Variants in VPS41 observed in about 807,000 individuals in gnomAD.
The protein encoded by VPS41 is vacuolar protein sorting-associated protein 41 homolog.
VPS41 carries 85 observed loss-of-function variants against 130.9 expected under a neutral mutation model. The ratio of observed to expected loss-of-function variants is 0.65; its 90% CI spans 0.55 to 0.78. The LOEUF (loss-of-function observed/expected upper bound fraction) is 0.78, where lower values mean the gene tolerates loss of function less well. VPS41 is among the 30% of genes least tolerant of loss of function. VPS41 has a pLI of 0.00. For missense variants in VPS41, 874 were observed against 1,018.7 expected, an observed-to-expected ratio of 0.86 and a Z score of 1.93; for synonymous variants, 335 against 332.9, an observed-to-expected ratio of 1.01 and a Z score of -0.07.
intron 7 of VPS41, among the ~76,000 whole-genome samples, chr7:38,810,097 TTC>T (rs1183623765): frequency 6.9e-6 from 1 of 144,576 alleles, no homozygotes; most frequent in African/African-American, 2.4e-5. Flanking sequence ...GAGATGTGCT[TTC>T]TCTTTTTTTT....
intron 4 of VPS41, among the ~76,000 whole-genome samples, chr7:38,843,808 C>T (rs967847494): frequency 6.6e-6 from 1 of 152,058 alleles, no homozygotes; most frequent in Non-Finnish European, 1.5e-5. Flanking sequence ...AGTAACAATT[C>T]GTTCCAACTT....
At chr7:38,882,170 C>A (rs751104804) in intron 2 of VPS41, among the ~76,000 whole-genome samples, 1 of 152,182 alleles carries the variant, frequency 6.6e-6, no homozygotes, top group African/African-American at 2.4e-5. Context: ...TTAGAATCAC[C>A]GGTGGCCTCA....
intron 23 of VPS41, 75 bp from the exon 24 acceptor site, chr7:38,743,617 C>T (rs952414860): frequency 6.5e-7 from 1 of 1,534,448 alleles, no homozygotes; most frequent in Non-Finnish European, 8.9e-7. Context: ...TTGCATATCT[C>T]TTAATTTGTT....
chr7:38,847,023 G>A (rs114145776), intron 4 of VPS41, among the ~76,000 whole-genome samples: 129 of 152,214 alleles, frequency 8.5e-4, no homozygotes, highest in African/African-American at 2.9e-3. Flanking sequence ...AGACTTCACC[G>A]TGTCTGGCCC....
intron 2 of VPS41, among the ~76,000 whole-genome samples, chr7:38,873,662 T>G (rs989276075): frequency 6.6e-6 from 1 of 152,190 alleles, no homozygotes; most frequent in Admixed American, 6.5e-5. Flanking sequence ...AGCGAAGATA[T>G]GAACAGAGTG....
intron 18 of VPS41, among the ~76,000 whole-genome samples, chr7:38,758,040 C>G (rs1476832848): frequency 6.6e-6 from 1 of 152,114 alleles, no homozygotes; most frequent in Non-Finnish European, 1.5e-5. Flanking sequence ...GAATCCAGAG[C>G]CTTGCTCATT....
chr7:38,804,463 C>T (rs977102951), intron 7 of VPS41, among the ~76,000 whole-genome samples: 6 of 152,222 alleles, frequency 3.9e-5, no homozygotes, highest in Non-Finnish European at 7.3e-5. Flanking sequence ...ATTAGCAACA[C>T]AGACTTTGGA....
At chr7:38,879,326 T>C (rs1337954796) in intron 2 of VPS41, among the ~76,000 whole-genome samples, 4 of 152,170 alleles carry the variant, frequency 2.6e-5, no homozygotes, top group African/African-American at 9.7e-5. Context: ...GGGTGAGGAC[T>C]GGCCGGCTGC....
Position 38,774,352 on chromosome 7 carries a change from G to T in VPS41, c.883-108C>A, listed in dbSNP as rs191414978. 1.6e-3 allele frequency: 1,691 copies of T among 1,038,080 alleles called. 44 individuals are homozygous for T. Among genetic ancestry groups the T allele is most frequent in the Non-Finnish European group, 1.6e-4 (124 of 770,842 alleles). 64.3% of individuals were successfully genotyped at this position (1,038,080 alleles called of 1,614,324 possible). Reference sequence around the variant, plus strand: ...TAGTTTCTTCTCACACTCCTATGAAGAAATACCCAAGACTGGGTAATTTAT... The same window carrying T: ...TAGTTTCTTCTCACACTCCTATGAATAAATACCCAAGACTGGGTAATTTAT... On this transcript the variant is annotated intron_variant, in intron 11 of 28. Transcript: ENST00000310301.
intron 4 of VPS41, among the ~76,000 whole-genome samples, chr7:38,852,148 A>C (rs1468145841): frequency 6.6e-6 from 1 of 152,172 alleles, no homozygotes; most frequent in African/African-American, 2.4e-5. Context: ...AGATGAACCA[A>C]GCATGCAACC....
chr7:38,781,028 C>G (rs1236317194), intron 10 of VPS41, among the ~76,000 whole-genome samples: 1 of 152,102 alleles, frequency 6.6e-6, no homozygotes, highest in Non-Finnish European at 1.5e-5. Flanking sequence ...CAACCAGATG[C>G]CAGCATCATG....
chr7:38,754,034 TAG>T (rs1562572594), intron 21 of VPS41, among the ~76,000 whole-genome samples: 60 of 152,106 alleles, frequency 3.9e-4, no homozygotes, highest in Non-Finnish European at 7.8e-4. Flanking sequence ...TTAAAGGACA[TAG>T]AAAACAACTA....
chr7:38,873,655 G>A (rs960106295), intron 2 of VPS41, among the ~76,000 whole-genome samples: 2 of 152,142 alleles, frequency 1.3e-5, no homozygotes, highest in African/African-American at 2.4e-5. Flanking sequence ...GCAGCTAAGC[G>A]AAGATATGAA....
At chr7:38,839,557 T>C (rs1345291686) in intron 4 of VPS41, among the ~76,000 whole-genome samples, 1 of 151,982 alleles carries the variant, frequency 6.6e-6, no homozygotes, top group African/African-American at 2.4e-5. Context: ...GCCTCCTGAG[T>C]AGCTGGGACT....
At chr7:38,898,809 T>C (rs916079798) in intron 1 of VPS41, among the ~76,000 whole-genome samples, 3 of 152,244 alleles carry the variant, frequency 2.0e-5, no homozygotes, top group Admixed American at 2.0e-4. Context: ...GAGAATCTGC[T>C]GATGCCATGC....
At chr7:38,812,398 T>C (rs531755072) in intron 7 of VPS41, among the ~76,000 whole-genome samples, 4 of 152,220 alleles carry the variant, frequency 2.6e-5, no homozygotes, top group Admixed American at 2.0e-4. Flanking sequence ...ACTCAAAATA[T>C]ATTGTACACC....
intron 5 of VPS41, among the ~76,000 whole-genome samples, chr7:38,825,721 CT>C (rs748186358): frequency 4.6e-5 from 7 of 152,194 alleles, no homozygotes; most frequent in Non-Finnish European, 1.0e-4. Context: ...TGGGAGAATT[CT>C]CATTAGCTAC....
At chr7:38,821,161 T>G in intron 6 of VPS41, 42 bp downstream of exon 6, 2 of 1,504,880 alleles carry the variant, frequency 1.3e-6, no homozygotes, top group Non-Finnish European at 1.8e-6. Flanking sequence ...TTGCCTTACT[T>G]GAGAAAACCC....
At chr7:38,831,238 ATCT>A (rs1456169939) in intron 4 of VPS41, 1 of 471,104 alleles carries the variant, frequency 2.1e-6, no homozygotes, top group East Asian at 6.9e-5. Context: ...TTTCTTTGGC[ATCT>A]GGTTGTAAGC....
Sources: gnomAD v4.1 joint callset for allele counts (sites outside exome capture counted in the v4.1 genomes callset) on GRCh38, gnomAD v4.1.1 for gene constraint, MANE v1.5 for transcripts, NCBI Gene and HGNC (gene_info 2026-07-23, HGNC 2026-07-21) for gene names.